Variants in GTF2A1L observed in about 807,000 individuals in gnomAD.
GTF2A1L encodes TFIIA-alpha and beta-like factor.
In GTF2A1L, 48 loss-of-function variants were observed where a neutral mutation model predicts 49.7. That is an observed-to-expected ratio of 0.97 (90% CI 0.77 to 1.23). GTF2A1L has a LOEUF of 1.23. Ranked by LOEUF, GTF2A1L falls within the 50% of genes most tolerant of loss-of-function variation. GTF2A1L has a pLI of 0.00. For synonymous variants in GTF2A1L, 246 were observed against 193.5 expected (o/e 1.27, Z -2.25); for missense variants, 736 against 564.8 (o/e 1.30, Z -3.07).
chr2:48,679,467 T>A lies in GTF2A1L; in HGVS notation c.*25T>A. Reference sequence around the variant, plus strand: ...AACCTTGTGAGCTCAGTACATCTATTTTGTGAACATCAGTTGGATTATATT... The same window carrying A: ...AACCTTGTGAGCTCAGTACATCTATATTGTGAACATCAGTTGGATTATATT... On this transcript the variant is annotated 3_prime_UTR_variant, in exon 9 of 9. Transcript: ENST00000403751. The A allele has an allele frequency of 6.2e-7, 1 of 1,610,982 alleles. No homozygotes were observed. Among genetic ancestry groups the A allele is most frequent in the Non-Finnish European group, 8.5e-7 (1 of 1,178,374 alleles).
chr2:48,638,312 C>G (rs1677015356), intron 3 of GTF2A1L, among the ~76,000 whole-genome samples: 1 of 152,160 alleles, frequency 6.6e-6, no homozygotes, highest in Admixed American at 6.5e-5. Context: ...TTGAACATCA[C>G]TGCAAAAATC....
intron 7 of GTF2A1L, 89 bp downstream of exon 7, chr2:48,670,071 T>G: frequency 6.7e-7 from 1 of 1,492,878 alleles, no homozygotes; most frequent in South Asian, 1.5e-5. Context: ...AATAGCAAGA[T>G]TAATCTTTTC....
intron 3 of GTF2A1L, among the ~76,000 whole-genome samples, chr2:48,622,788 C>G (rs966223000): frequency 1.3e-5 from 2 of 150,182 alleles, no homozygotes; most frequent in Non-Finnish European, 3.0e-5. Context: ...GAGCTGAGAT[C>G]GCGCCACTGC....
chr2:48,637,093 T>C (rs1013285697), intron 3 of GTF2A1L, among the ~76,000 whole-genome samples: 143 of 152,356 alleles, frequency 9.4e-4, no homozygotes, highest in African/African-American at 3.4e-3. Flanking sequence ...GTTGGTTCTT[T>C]AGGTGATTTG....
chr2:48,633,318 C>G (rs1676692290), intron 3 of GTF2A1L: 1 of 151,172 alleles, frequency 6.6e-6, no homozygotes, highest in East Asian at 2.2e-4. Flanking sequence ...TGTTGGAGAA[C>G]AGCTCATCAT....
chr2:48,672,927 G>A (rs889482615), intron 8 of GTF2A1L, among the ~76,000 whole-genome samples: 1 of 152,050 alleles, frequency 6.6e-6, no homozygotes, highest in African/African-American at 2.4e-5. Flanking sequence ...TTGTTTCTTA[G>A]TGCAGTATTC....
intron 6 of GTF2A1L, among the ~76,000 whole-genome samples, chr2:48,664,328 T>A (rs1373724987): frequency 3.3e-5 from 5 of 151,862 alleles, no homozygotes; most frequent in African/African-American, 4.8e-5. Context: ...TTTTTTTTTT[T>A]AAATCATGAG....
At chr2:48,667,044 G>A (rs1678884610) in intron 6 of GTF2A1L, among the ~76,000 whole-genome samples, 1 of 151,786 alleles carries the variant, frequency 6.6e-6, no homozygotes, top group Non-Finnish European at 1.5e-5. Context: ...GCTCACTGCA[G>A]CCTCAACCTC....
At chr2:48,623,045 C>T (rs977631906) in intron 3 of GTF2A1L, among the ~76,000 whole-genome samples, 1 of 151,988 alleles carries the variant, frequency 6.6e-6, no homozygotes, top group Non-Finnish European at 1.5e-5. Context: ...TAGTTTTTCT[C>T]CTTATTCTCT....
chr2:48,642,420 C>T lies in GTF2A1L; in HGVS notation c.266C>T (p.Ala89Val). ...QSSTASLVIPAGRTLPSFTTA... is the reference protein window; with the variant it reads ...QSSTASLVIPVGRTLPSFTTA... Reference sequence around the variant, plus strand: ...TATGCAGCATCATTAGTTATTCCTGCTGGTAGAACTCTTCCAAGTTTTACC... The same window carrying T: ...TATGCAGCATCATTAGTTATTCCTGTTGGTAGAACTCTTCCAAGTTTTACC... The change falls in exon 4 of 9, where the codon GCT becomes GTT. Residue 89 changes from alanine (A) to valine (V), a missense_variant. By Grantham distance (64) the Ala-to-Val change is moderately conservative. Transcript: ENST00000403751. 6.3e-7 allele frequency: 1 copy of T among 1,591,344 alleles called. No homozygotes were observed. Among genetic ancestry groups the T allele is most frequent in the Non-Finnish European group, 8.6e-7 (1 of 1,165,156 alleles).
chr2:48,619,738 C>G (rs1159052017), intron 1 of GTF2A1L, among the ~76,000 whole-genome samples: 1 of 152,108 alleles, frequency 6.6e-6, no homozygotes, highest in East Asian at 1.9e-4. Context: ...CCATTTTGGC[C>G]TGGGGGCATA....
chr2:48,635,595 C>A (rs941915562), intron 3 of GTF2A1L, among the ~76,000 whole-genome samples: 2 of 152,090 alleles, frequency 1.3e-5, no homozygotes, highest in African/African-American at 2.4e-5. Flanking sequence ...CAGCTCTCCT[C>A]CCACTCCAGG....
chr2:48,662,647 T>C (rs899505238), intron 6 of GTF2A1L, among the ~76,000 whole-genome samples: 1 of 139,632 alleles, frequency 7.2e-6, no homozygotes, highest in Non-Finnish European at 1.5e-5. Context: ...GAAATCTTGG[T>C]TGATCTTTTT....
intron 3 of GTF2A1L, among the ~76,000 whole-genome samples, chr2:48,626,378 G>A (rs566040803): frequency 6.3e-5 from 9 of 143,134 alleles, no homozygotes; most frequent in African/African-American, 2.2e-4. Context: ...TGTTCCATAT[G>A]AATTTTAGAC....
At chr2:48,633,055 T>G (rs185989705) in intron 3 of GTF2A1L, 37 of 251,376 alleles carry the variant, frequency 1.5e-4, no homozygotes, top group East Asian at 1.1e-3. Context: ...TTCTTCATGT[T>G]GGCCTTTGAT....
At chr2:48,656,038 T>C (rs1678150115) in intron 6 of GTF2A1L, among the ~76,000 whole-genome samples, 2 of 152,214 alleles carry the variant, frequency 1.3e-5, no homozygotes. Flanking sequence ...GTGAATAATA[T>C]CTCATTGTAT....
chr2:48,621,450 T>A, intron 3 of GTF2A1L, 160 bp downstream of exon 3: 2 of 930,096 alleles, frequency 2.2e-6, no homozygotes, highest in Non-Finnish European at 2.9e-6. Flanking sequence ...TTGCCCCATG[T>A]AATTATTGAT....
rs1459569440 is a variant in GTF2A1L, at chr2:48,627,842, CCAGTAGTT to C, written c.247+6553_247+6560del. Among the ~76,000 whole-genome samples the C allele has an allele frequency of 2.1e-5, 3 of 143,176 alleles. 1 individual carries two copies. Among genetic ancestry groups the C allele is most frequent in the Non-Finnish European group, 3.1e-5 (2 of 63,626 alleles). 93.9% of individuals were successfully genotyped at this position (143,176 alleles called of 152,430 possible). On this transcript the variant is annotated intron_variant, in intron 3 of 8. Transcript: ENST00000403751. Reference sequence around the variant, plus strand: ...TACCCCCAGGTACTGAGCATAGTATCCAGTAGTTAGTTTTTCAACCCTTGCCTTCCTCT... The same window carrying C: ...TACCCCCAGGTACTGAGCATAGTATCAGTTTTTCAACCCTTGCCTTCCTCT...
At chr2:48,674,224 G>A (rs1679333499) in intron 8 of GTF2A1L, among the ~76,000 whole-genome samples, 2 of 152,154 alleles carry the variant, frequency 1.3e-5, no homozygotes, top group Admixed American at 1.3e-4. Flanking sequence ...TATTAGCAGT[G>A]TTCGAGGGTT....
Sources: allele counts gnomAD v4.1 joint callset (sites outside exome capture counted in the v4.1 genomes callset), GRCh38; gene constraint gnomAD v4.1.1; transcripts MANE v1.5; gene names NCBI Gene and HGNC (gene_info 2026-07-23, HGNC 2026-07-21).